CFAP54: variants seen among roughly 807,000 people sequenced by gnomAD.
CFAP54 encodes cilia- and flagella-associated protein 54.
CFAP54 carries 290 observed loss-of-function variants against 370.4 expected under a neutral mutation model. The observed-to-expected ratio is 0.78, with a 90% confidence interval of 0.71 to 0.86. The LOEUF is 0.86. Among genes scored for constraint, CFAP54 ranks in the 40% least tolerant of loss-of-function variants. The pLI is 0.00. For synonymous variants in CFAP54, 1,206 were observed against 1,236.5 expected (o/e 0.98, Z 0.52); for missense variants, 3,399 against 3,528.7 (o/e 0.96, Z 0.93).
chr12:96,732,552 G>C (rs1446944548), intron 50 of CFAP54, among the ~76,000 whole-genome samples: 1 of 152,010 alleles, frequency 6.6e-6, no homozygotes, highest in Non-Finnish European at 1.5e-5. Flanking sequence ...ATATGTAATA[G>C]GTTTACTATT....
chr12:96,673,424 C>G (rs1184258060), intron 39 of CFAP54, among the ~76,000 whole-genome samples: 2 of 152,132 alleles, frequency 1.3e-5, no homozygotes, highest in Non-Finnish European at 2.9e-5. Flanking sequence ...TTCTGACTTA[C>G]TGTGATAGTG....
At chr12:96,659,138 G>A (rs557433975) in intron 38 of CFAP54, among the ~76,000 whole-genome samples, 8 of 152,322 alleles carry the variant, frequency 5.3e-5, no homozygotes, top group South Asian at 2.1e-4. Context: ...TTTCAATTCA[G>A]TTTCTACACA....
At chr12:96,602,235 GGTT>G (rs1266344685) in intron 26 of CFAP54, among the ~76,000 whole-genome samples, 1 of 152,166 alleles carries the variant, frequency 6.6e-6, no homozygotes, top group Non-Finnish European at 1.5e-5. Flanking sequence ...TTCAGGAGCA[GGTT>G]GTTCAGTTTC....
chr12:96,519,001 C>T lies in CFAP54; in HGVS notation c.872C>T (p.Thr291Ile). 1 of 1,536,032 alleles carries T rather than the reference C, an allele frequency of 6.5e-7. No homozygotes were observed. The highest frequency in any genetic ancestry group is 8.7e-7 in the Non-Finnish European group (1 of 1,146,892). Reference sequence around the variant, plus strand: ...CCGCTCCTGTCACTCAGGTACTTGACATGGCGCGCTACTCTCTACACAGCT... The same window carrying T: ...CCGCTCCTGTCACTCAGGTACTTGATATGGCGCGCTACTCTCTACACAGCT... Reference protein sequence around the residue: ...LVPLLSLRYLTWRATLYTAVC... With the variant: ...LVPLLSLRYLIWRATLYTAVC... The change falls in exon 6 of 68, where the codon ACA (threonine) becomes ATA (isoleucine). Residue 291 changes from threonine to isoleucine, a missense_variant. By Grantham distance (89) the Thr-to-Ile change is moderately conservative (BLOSUM62 -1). Around this residue, in one of 3 missense-constraint regions of CFAP54, gnomAD observed 559 missense variants for 576.7 expected, o/e 0.97. Coordinates refer to ENST00000524981, the MANE Select transcript of CFAP54 (RefSeq NM_001306084.2).
At position 96,743,563 on chromosome 12, in the gene CFAP54, G is replaced by C. The variant is rs762230657; in HGVS notation, c.7377+4G>C. 3 of 1,613,842 alleles carry C rather than the reference G, an allele frequency of 1.9e-6. No individual in the cohort carries two copies. Among genetic ancestry groups the C allele is most frequent in the Non-Finnish European group, 2.5e-6 (3 of 1,179,902 alleles). ...AGACATCATGACAAACCTTCAGGTA[G>C]AAAGGAAACTTTGTTCGTATTTATA... On this transcript the variant is annotated splice_donor_region_variant and intron_variant, in intron 53 of 67. Coordinates refer to ENST00000524981, the MANE Select transcript of CFAP54 (RefSeq NM_001306084.2).
In CFAP54 at chr12:96,704,799, A is replaced by G. The variant is rs772170965; in HGVS notation, c.6528+3A>G. ...TTACCAGTAAAGAAAATATACAGGT[A>G]AGGATAATAATATTTTATAAACATG... On this transcript the variant is annotated splice_donor_region_variant and intron_variant, in intron 47 of 67. Transcript: ENST00000524981. The G allele has an allele frequency of 9.6e-7, 1 of 1,044,110 alleles. No individual in the cohort carries two copies. Among genetic ancestry groups the G allele is most frequent in the East Asian group, 3.1e-5 (1 of 32,578 alleles). 64.7% of individuals were successfully genotyped at this position (1,044,110 alleles called of 1,614,324 possible).
Position 96,664,005 on chromosome 12 carries a change from C to G in CFAP54, c.5563+73C>G, listed in dbSNP as rs947849663. The stretch of plus-strand genomic sequence containing the variant: ...TTGCCATTGTGTTCTGCATGTCAAA[C>G]CTTCCATAATTAGTATGTTTGTAAA... On this transcript the variant is annotated intron_variant, in intron 39 of 67. Coordinates refer to ENST00000524981, the MANE Select transcript of CFAP54 (RefSeq NM_001306084.2). 3 of 1,063,304 alleles carry G rather than the reference C, an allele frequency of 2.8e-6. No individual in the cohort carries two copies. The South Asian group carries it at 4.2e-5, about 15-fold the overall frequency. 65.9% of individuals were successfully genotyped at this position (1,063,304 alleles called of 1,614,324 possible). A position where few individuals can be genotyped will look rare whatever the true frequency, so the allele number is the denominator to read the frequency against.
At chr12:96,623,496 C>T (rs1329943098) in intron 27 of CFAP54, among the ~76,000 whole-genome samples, 1 of 151,958 alleles carries the variant, frequency 6.6e-6, no homozygotes, top group East Asian at 1.9e-4. Flanking sequence ...TTGGAGGGGG[C>T]TGGTTAGGTA....
intron 46 of CFAP54, among the ~76,000 whole-genome samples, chr12:96,703,756 T>C (rs1351539677): frequency 1.3e-5 from 2 of 152,208 alleles, no homozygotes; most frequent in African/African-American, 2.4e-5. Flanking sequence ...TAATACTGAC[T>C]GTTGTTAAAA....
At chr12:96,767,695 C>T (rs1958414445) in intron 60 of CFAP54, among the ~76,000 whole-genome samples, 1 of 152,146 alleles carries the variant, frequency 6.6e-6, no homozygotes, top group African/African-American at 2.4e-5. Flanking sequence ...CACTAATACC[C>T]AGATGGCAAT....
chr12:96,763,294 A>T (rs980980382), intron 58 of CFAP54, among the ~76,000 whole-genome samples: 22 of 152,176 alleles, frequency 1.4e-4, no homozygotes, highest in African/African-American at 5.3e-4. Context: ...AAAAATCCTC[A>T]ATCATTGTTT....
intron 40 of CFAP54, chr12:96,682,044 C>A: frequency 1.9e-6 from 1 of 528,712 alleles, no homozygotes; most frequent in Non-Finnish European, 2.4e-6. Context: ...CAAAATATTT[C>A]CTTTCTTTTT....
chr12:96,608,239 G>T (rs982187251), intron 26 of CFAP54, among the ~76,000 whole-genome samples: 2 of 151,816 alleles, frequency 1.3e-5, no homozygotes, highest in South Asian at 2.1e-4. Flanking sequence ...TGTGTTTGGC[G>T]TAAGGAGAGG....
intron 17 of CFAP54, among the ~76,000 whole-genome samples, chr12:96,556,055 T>C (rs1238644642): frequency 6.6e-6 from 1 of 152,088 alleles, no homozygotes; most frequent in African/African-American, 2.4e-5. Context: ...GATATCCATA[T>C]GGATAAAACC....
intron 50 of CFAP54, among the ~76,000 whole-genome samples, chr12:96,725,636 C>G (rs928341944): frequency 2.0e-5 from 3 of 152,188 alleles, no homozygotes; most frequent in African/African-American, 7.2e-5. Flanking sequence ...GACAATTTGA[C>G]TTCTTATTTT....
At chr12:96,579,668 C>T (rs1293159812) in intron 20 of CFAP54, among the ~76,000 whole-genome samples, 1 of 152,058 alleles carries the variant, frequency 6.6e-6, no homozygotes, top group Non-Finnish European at 1.5e-5. Context: ...CCCTATAACC[C>T]TCAGCAGTAT....
intron 36 of CFAP54, among the ~76,000 whole-genome samples, chr12:96,652,577 G>A (rs1862018): frequency 6.6e-6 from 1 of 151,814 alleles, no homozygotes; most frequent in African/African-American, 2.4e-5. Flanking sequence ...AGGGAAGAAG[G>A]AACAAAGGAA....
At chr12:96,725,583 C>T (rs1295426716) in intron 50 of CFAP54, among the ~76,000 whole-genome samples, 13 of 152,092 alleles carry the variant, frequency 8.5e-5, no homozygotes, top group South Asian at 4.1e-4. Context: ...TGGGCTGAGA[C>T]GATGGGTTTT....
intron 58 of CFAP54, among the ~76,000 whole-genome samples, chr12:96,757,792 T>C (rs560319919): frequency 6.6e-6 from 1 of 152,288 alleles, no homozygotes; most frequent in South Asian, 2.1e-4. Context: ...ATTATTTTTA[T>C]ATACACATTT....
Sources: gnomAD v4.1 joint callset for allele counts (sites outside exome capture counted in the v4.1 genomes callset) on GRCh38, gnomAD v4.1.1 for gene constraint, gnomAD v4.1.1 regional missense constraint, MANE v1.5 for transcripts, NCBI Gene and HGNC (gene_info 2026-07-23, HGNC 2026-07-21) for gene names.